FGF12: variants seen among roughly 807,000 people sequenced by gnomAD.
FGF12 encodes fibroblast growth factor 12B.
In FGF12, 14 loss-of-function variants were observed where a neutral mutation model predicts 23.6. The observed-to-expected ratio is 0.59, with a 90% confidence interval of 0.39 to 0.93. The LOEUF is 0.93. FGF12 is among the 40% of genes least tolerant of loss of function. The pLI is 0.00. For missense variants in FGF12, 175 were observed against 217.8 expected (o/e 0.80, Z 1.24); for synonymous variants, 62 against 77.3 (o/e 0.80, Z 1.04).
At chr3:192,681,645 G>A (rs958578203) in intron 2 of FGF12, among the ~76,000 whole-genome samples, 4 of 152,210 alleles carry the variant, frequency 2.6e-5, no homozygotes, top group African/African-American at 7.2e-5. Flanking sequence ...TTAACTGGAA[G>A]TCATTTTTTA....
chr3:192,479,391 C>A (rs1300747896), intron 2 of FGF12, among the ~76,000 whole-genome samples: 1 of 152,168 alleles, frequency 6.6e-6, no homozygotes, highest in African/African-American at 2.4e-5. Context: ...AAACATATCA[C>A]CCAGTGAAAG....
At chr3:192,281,525 G>A (rs1714142989) in intron 4 of FGF12, among the ~76,000 whole-genome samples, 1 of 152,038 alleles carries the variant, frequency 6.6e-6, no homozygotes, top group African/African-American at 2.4e-5. Flanking sequence ...CATGTGTGGA[G>A]ATACTGTGGC....
chr3:192,294,968 C>A (rs1156970578), intron 4 of FGF12, among the ~76,000 whole-genome samples: 1 of 152,048 alleles, frequency 6.6e-6, no homozygotes, highest in African/African-American at 2.4e-5. Context: ...TAAAATAATA[C>A]CAGTGGACTC....
intron 2 of FGF12, among the ~76,000 whole-genome samples, chr3:192,639,967 C>G (rs1715728915): frequency 6.7e-6 from 1 of 149,050 alleles, no homozygotes; most frequent in South Asian, 2.1e-4. Context: ...AGGCCAAACA[C>G]AGAAAGAAAA....
intron 2 of FGF12, among the ~76,000 whole-genome samples, chr3:192,578,583 G>T (rs1397736285): frequency 6.6e-6 from 1 of 151,952 alleles, no homozygotes; most frequent in Admixed American, 6.6e-5. Context: ...TTTAATTTTT[G>T]TCCCACCTAA....
At chr3:192,411,054 G>A (rs1168136450) in intron 2 of FGF12, among the ~76,000 whole-genome samples, 2 of 152,174 alleles carry the variant, frequency 1.3e-5, no homozygotes, top group African/African-American at 4.8e-5. Flanking sequence ...AGCACAGACA[G>A]GTGTATGTTG....
intron 2 of FGF12, among the ~76,000 whole-genome samples, chr3:192,685,920 T>C (rs1051666772): frequency 6.6e-6 from 1 of 152,168 alleles, no homozygotes; most frequent in Non-Finnish European, 1.5e-5. Context: ...CAGGAGAATA[T>C]ACTGTAAGTG....
intron 2 of FGF12, among the ~76,000 whole-genome samples, chr3:192,591,221 C>T (rs1392039015): frequency 6.6e-6 from 1 of 150,938 alleles, no homozygotes; most frequent in Non-Finnish European, 1.5e-5. Flanking sequence ...GTCTTCTATC[C>T]GTCTTCTACT....
At chr3:192,419,238 T>G (rs750611225) in intron 2 of FGF12, among the ~76,000 whole-genome samples, 4 of 152,092 alleles carry the variant, frequency 2.6e-5, no homozygotes, top group Admixed American at 6.5e-5. Flanking sequence ...TAAGATAACA[T>G]CATTTAGGGC....
chr3:192,445,311 G>C (rs1722320406), intron 2 of FGF12, among the ~76,000 whole-genome samples: 1 of 152,204 alleles, frequency 6.6e-6, no homozygotes, highest in African/African-American at 2.4e-5. Context: ...AGGGGCATTT[G>C]AGGTTAGCAT....
At chr3:192,150,602 G>GT (rs1330468054) in intron 5 of FGF12, among the ~76,000 whole-genome samples, 2 of 146,536 alleles carry the variant, frequency 1.4e-5, no homozygotes, top group Non-Finnish European at 3.0e-5. Flanking sequence ...GTTTTCTCAG[G>GT]TTTGTCAAAG....
chr3:192,649,329 A>G (rs1182807814), intron 2 of FGF12, among the ~76,000 whole-genome samples: 1 of 152,106 alleles, frequency 6.6e-6, no homozygotes, highest in African/African-American at 2.4e-5. Flanking sequence ...ATGTCTATTC[A>G]ATGGGCGGAA....
At chr3:192,474,837 A>G (rs1419311101) in intron 2 of FGF12, among the ~76,000 whole-genome samples, 1 of 150,826 alleles carries the variant, frequency 6.6e-6, no homozygotes, top group African/African-American at 2.5e-5. Context: ...GTAAGCTGAG[A>G]TCGTGCCATT....
intron 2 of FGF12, among the ~76,000 whole-genome samples, chr3:192,675,262 T>C (rs1256023529): frequency 6.6e-6 from 1 of 150,852 alleles, no homozygotes; most frequent in Non-Finnish European, 1.5e-5. Flanking sequence ...CGTGAAAGAG[T>C]GTGGGTATAA....
At chr3:192,204,435 T>C (rs985780973) in intron 4 of FGF12, among the ~76,000 whole-genome samples, 25 of 152,190 alleles carry the variant, frequency 1.6e-4, no homozygotes, top group Non-Finnish European at 3.4e-4. Flanking sequence ...GTCTACTATA[T>C]TAGAGAGTGC....
At chr3:192,270,823 G>A (rs1162246984) in intron 4 of FGF12, among the ~76,000 whole-genome samples, 3 of 146,018 alleles carry the variant, frequency 2.1e-5, no homozygotes, top group African/African-American at 5.1e-5. Flanking sequence ...AAGGAAAGAA[G>A]GAAGGAAGGA....
intron 4 of FGF12, among the ~76,000 whole-genome samples, chr3:192,252,257 T>C (rs1577282981): frequency 6.6e-6 from 1 of 151,598 alleles, no homozygotes; most frequent in African/African-American, 2.4e-5. Flanking sequence ...GCTCAGGAGT[T>C]CCAGACCAGT....
chr3:192,411,354 T>C (rs1465104587), intron 2 of FGF12, among the ~76,000 whole-genome samples: 1 of 152,146 alleles, frequency 6.6e-6, no homozygotes, highest in Non-Finnish European at 1.5e-5. Context: ...GAGGATTAAA[T>C]AGGCAAGACA....
intron 2 of FGF12, among the ~76,000 whole-genome samples, chr3:192,483,570 T>C (rs141809505): frequency 2.4e-4 from 36 of 151,940 alleles, no homozygotes; most frequent in Non-Finnish European, 4.3e-4. Context: ...TAAACGAAAA[T>C]AATAGAAGGA....
Sources: gnomAD v4.1 joint callset for allele counts (sites outside exome capture counted in the v4.1 genomes callset) on GRCh38, gnomAD v4.1.1 for gene constraint, MANE v1.5 for transcripts, NCBI Gene and HGNC (gene_info 2026-07-23, HGNC 2026-07-21) for gene names.